The following KLHL6 variants were observed in gnomAD, a reference collection of about 807,000 sequenced individuals.
KLHL6 encodes kelch like family member 6.
In KLHL6, 41 loss-of-function variants were observed where a neutral mutation model predicts 58.6. That is an observed-to-expected ratio of 0.70 (90% CI 0.55 to 0.91). The LOEUF is 0.91. KLHL6 is among the 40% of genes least tolerant of loss of function. The pLI, the probability that KLHL6 is intolerant of heterozygous loss-of-function variation, is 0.00. For missense variants in KLHL6, 714 were observed against 805.6 expected (o/e 0.89, Z 1.38); for synonymous variants, 338 against 322.7 (o/e 1.05, Z -0.51).
At chr3:183,495,976 TACATTAC>T in intron 4 of KLHL6, among the ~76,000 whole-genome samples, 1 of 152,222 alleles carries the variant, frequency 6.6e-6, no homozygotes, top group South Asian at 2.1e-4. Context: ...ATACTTATTT[TACATTAC>T]ATTTAAAATA....
chr3:183,500,572 G>A (rs1428156247), intron 3 of KLHL6, among the ~76,000 whole-genome samples: 1 of 152,216 alleles, frequency 6.6e-6, no homozygotes, highest in African/African-American at 2.4e-5. Context: ...GCTATCAGAT[G>A]ACTGTGAGCA....
rs1717467032 is a variant in KLHL6 at position 183,488,804 on chromosome 3, A to G, written c.*3123T>C. On this transcript the variant is annotated 3_prime_UTR_variant, in exon 7 of 7. Transcript: ENST00000341319. Reference sequence around the variant, plus strand: ...CTTAAGTTTCCCCCAAATGACTTGAACTTTCTTTCTCGAAGAGCTACAGAC... The same window carrying G: ...CTTAAGTTTCCCCCAAATGACTTGAGCTTTCTTTCTCGAAGAGCTACAGAC... 6.6e-6 allele frequency: 1 copy of G among 152,190 alleles called. No homozygotes were observed. The highest frequency in any genetic ancestry group is 2.1e-4 in the South Asian group (1 of 4,830). The allele number at this position is 152,190 out of a possible 1,614,324, so 9.4% of individuals were successfully genotyped here.
rs766009303 is a variant in KLHL6, at chr3:183,492,473, C to T, written c.1564+21G>A. On this transcript the variant is annotated intron_variant, in intron 6 of 6. Transcript: ENST00000341319. This position sits in a 1 kb window ranked among gnomAD's most constrained non-coding sequence, Gnocchi z 5.9. ...TCATCAGGTTCTAAGCCATTCAGACCAATAAGAAGCCATTACTCACCAACG... is the reference window on the plus strand; with the variant it reads ...TCATCAGGTTCTAAGCCATTCAGACTAATAAGAAGCCATTACTCACCAACG... 5.0e-6 allele frequency: 8 copies of T among 1,612,916 alleles called. No individual in the cohort carries two copies. The South Asian group carries it at 5.5e-5, about 11-fold the overall frequency.
chr3:183,555,235 C>T, intron 1 of KLHL6, 126 bp downstream of exon 1: 1 of 646,914 alleles, frequency 1.5e-6, no homozygotes. Context: ...TAAGTAGACA[C>T]ACAAGCCTTA....
chr3:183,508,356 A>C lies in KLHL6; in HGVS notation c.612T>G (p.Ile204Met). 6.2e-7 allele frequency: 1 copy of C among 1,614,198 alleles called. No homozygotes were observed. ...GGTCAAGAAACTCCTCAGAGTTCAGAATCTGCACAAAGTTTTGAATGATGT... is the reference window on the plus strand; with the variant it reads ...GGTCAAGAAACTCCTCAGAGTTCAGCATCTGCACAAAGTTTTGAATGATGT... Reference protein sequence around the residue: ...QSYIIQNFVQILNSEEFLDLP... With the variant: ...QSYIIQNFVQMLNSEEFLDLP... Residue 204 changes from isoleucine to methionine, a missense_variant, in exon 3 of 7, where the codon ATT becomes ATG. Physicochemically the swap from Ile to Met is conservative, Grantham distance 10. Transcript: ENST00000341319.
chr3:183,538,831 C>T (rs1712448974), intron 1 of KLHL6, among the ~76,000 whole-genome samples: 2 of 152,164 alleles, frequency 1.3e-5, no homozygotes, highest in South Asian at 4.1e-4. Context: ...TGAGCTCAAG[C>T]TGTCCCCTAA....
Position 183,492,007 on chromosome 3 carries a change from C to G in KLHL6, c.1786G>C (p.Val596Leu). 6.3e-7 allele frequency: 1 copy of G among 1,599,872 alleles called. No individual in the cohort carries two copies. Among genetic ancestry groups the G allele is most frequent in the Non-Finnish European group, 8.5e-7 (1 of 1,170,796 alleles). Residue 596 changes from valine (V) to leucine (L), a missense_variant, in exon 7 of 7, where the codon GTG (valine) becomes CTG (leucine). This residue lies in a region of KLHL6 where 510 missense variants were observed against 629.7 expected (regional missense o/e 0.81). Coordinates refer to ENST00000341319, the MANE Select transcript of KLHL6 (RefSeq NM_130446.4). The surrounding 1 kb of genome is among the most constrained non-coding windows in gnomAD (Gnocchi z 5.9). ...ATGGTGACGCTGCCGTGGTGCGACACGCCCCGGGGCAGGACGCACTCCTCT... is the reference window on the plus strand; with the variant it reads ...ATGGTGACGCTGCCGTGGTGCGACAGGCCCCGGGGCAGGACGCACTCCTCT... The part of the protein sequence containing the change: ...LTEECVLPRG[V>L]SHHGSVTIRK...
At chr3:183,504,722 G>A (rs1430238671) in intron 3 of KLHL6, among the ~76,000 whole-genome samples, 2 of 152,166 alleles carry the variant, frequency 1.3e-5, no homozygotes, top group Admixed American at 6.5e-5. Flanking sequence ...TTTAGGTTCA[G>A]CATGTGCAGA....
chr3:183,521,235 A>T (rs1711747395), intron 2 of KLHL6: 1 of 152,772 alleles, frequency 6.5e-6, no homozygotes, highest in Non-Finnish European at 1.5e-5. Context: ...GTTACAGATT[A>T]ACAGCATCTC....
In KLHL6 at chr3:183,527,694, G is replaced by T. The variant is rs925325690; in HGVS notation, c.459+151C>A. On this transcript the variant is annotated intron_variant, in intron 2 of 6. Coordinates refer to ENST00000341319, the MANE Select transcript of KLHL6 (RefSeq NM_130446.4). ...CAAGTAAGCACAAGCCCAGCTAGGG[G>T]TGTGCGTGTGTGTGTGTGTGTTTGT... The T allele has an allele frequency of 7.4e-6, 5 of 671,558 alleles. No homozygotes were observed. In the Admixed American group the frequency reaches 1.5e-4, roughly 20 times the overall value. The allele number at this position is 671,558 out of a possible 1,614,324, so 41.6% of individuals were successfully genotyped here. A position where few individuals can be genotyped will look rare whatever the true frequency, so the allele number is the denominator to read the frequency against.
intron 1 of KLHL6, among the ~76,000 whole-genome samples, chr3:183,553,977 C>CAA (rs59243986): frequency 2.0e-4 from 25 of 127,684 alleles, no homozygotes; most frequent in African/African-American, 6.1e-4. Context: ...CCAAGCACCT[C>CAA]AAAAAAAAAA....
At chr3:183,517,949 G>A (rs1034420749) in intron 2 of KLHL6, among the ~76,000 whole-genome samples, 11 of 152,314 alleles carry the variant, frequency 7.2e-5, no homozygotes, top group African/African-American at 9.6e-5. Flanking sequence ...AAGCAGCCCC[G>A]TGAACACAGG....
chr3:183,515,119 G>A (rs80193959), intron 2 of KLHL6, among the ~76,000 whole-genome samples: 6,174 of 152,210 alleles, frequency 0.041, 206 homozygotes, highest in Middle Eastern at 0.075. Flanking sequence ...GTTACTCCCT[G>A]GTATCCTTCC....
rs1307285224 is a variant in KLHL6, at chr3:183,504,552, C to CA, written c.909+3506dup. On this transcript the variant is annotated intron_variant, in intron 3 of 6. Coordinates refer to ENST00000341319, the MANE Select transcript of KLHL6 (RefSeq NM_130446.4). The stretch of plus-strand genomic sequence containing the variant: ...TTCATTGCAGCAATTTTGCAGAAGA[C>CA]AGGGTAGGGACCTTTTATATCAGAG... Among the ~76,000 whole-genome samples, 4 of 152,282 alleles carry CA rather than the reference C, an allele frequency of 2.6e-5. No homozygotes were observed. The East Asian group carries it at 7.7e-4, about 29-fold the overall frequency.
In KLHL6 at chr3:183,492,715, GGC is replaced by G; in HGVS notation, c.1351-10_1351-9del. Reference sequence around the variant, plus strand: ...GACAAGGAGGGGTGCGGCCTGTAGAGGCACAGGGCACAAGAAGAAGCTGTCAG... The same window carrying G: ...GACAAGGAGGGGTGCGGCCTGTAGAGACAGGGCACAAGAAGAAGCTGTCAG... On this transcript the variant is annotated splice_polypyrimidine_tract_variant and intron_variant, in intron 5 of 6. Transcript: ENST00000341319. The surrounding 1 kb of genome is among the most constrained non-coding windows in gnomAD (Gnocchi z 5.9). 1 of 1,612,330 alleles carries G rather than the reference GGC, an allele frequency of 6.2e-7. No individual in the cohort carries two copies.
Position 183,555,655 on chromosome 3 carries a change from G to C in KLHL6, c.-2C>G, listed in dbSNP as rs755964120. The stretch of plus-strand genomic sequence containing the variant: ...GCCCCTTTGTCCTGCCATCAACATC[G>C]AGACTGAAGGAGCGCCCAAGTGTCA... On this transcript the variant is annotated 5_prime_UTR_variant, in exon 1 of 7. Transcript: ENST00000341319. 1.3e-6 allele frequency: 2 copies of C among 1,574,270 alleles called. No individual in the cohort carries two copies. Among genetic ancestry groups the C allele is most frequent in the Non-Finnish European group, 1.7e-6 (2 of 1,162,626 alleles).
intron 2 of KLHL6, among the ~76,000 whole-genome samples, chr3:183,518,392 C>T (rs375570016): frequency 1.3e-5 from 2 of 152,102 alleles, no homozygotes; most frequent in Admixed American, 6.5e-5. Flanking sequence ...AAAATTGCTA[C>T]AAAAATGTGA....
intron 2 of KLHL6, among the ~76,000 whole-genome samples, chr3:183,509,396 G>T (rs1319417018): frequency 6.6e-6 from 1 of 152,168 alleles, no homozygotes; most frequent in Non-Finnish European, 1.5e-5. Flanking sequence ...TATGTACATT[G>T]TGACCTTATT....
chr3:183,552,942 C>G (rs1712983772), intron 1 of KLHL6, among the ~76,000 whole-genome samples: 1 of 152,032 alleles, frequency 6.6e-6, no homozygotes, highest in African/African-American at 2.4e-5. Flanking sequence ...GGATAGGACT[C>G]CCTGCCTTGT....
Sources: gnomAD v4.1 joint callset for allele counts (sites outside exome capture counted in the v4.1 genomes callset) on GRCh38, gnomAD v4.1.1 for gene constraint, gnomAD v4.1.1 regional missense constraint, Gnocchi (gnomAD v3.1) non-coding constraint, MANE v1.5 for transcripts, NCBI Gene and HGNC (gene_info 2026-07-23, HGNC 2026-07-21) for gene names.